Variants in CNTN4 observed in about 807,000 individuals in gnomAD.
The protein encoded by CNTN4 is contactin 4.
CNTN4 carries 77 observed loss-of-function variants against 122.5 expected under a neutral mutation model. The observed-to-expected ratio is 0.63, with a 90% CI of 0.52 to 0.76. The LOEUF (loss-of-function observed/expected upper bound fraction) is 0.76. Ranked by LOEUF, CNTN4 falls within the 30% of genes least tolerant of loss-of-function variation. The pLI, the probability that CNTN4 is intolerant of heterozygous loss-of-function variation, is 0.00. For missense variants in CNTN4, 1,256 were observed against 1,259.1 expected (o/e 1.00, Z 0.04); for synonymous variants, 512 against 447.0 (o/e 1.15, Z -1.83).
intron 6 of CNTN4, among the ~76,000 whole-genome samples, chr3:2,808,367 C>T (rs2092519721): frequency 6.6e-6 from 1 of 151,798 alleles, no homozygotes; most frequent in Admixed American, 6.6e-5. Context: ...TTCTAAGGTG[C>T]CTATTTATTA....
At chr3:2,771,970 T>C (rs759694705) in intron 6 of CNTN4, among the ~76,000 whole-genome samples, 7 of 152,134 alleles carry the variant, frequency 4.6e-5, no homozygotes, top group Non-Finnish European at 8.8e-5. Context: ...GCCTGAATCT[T>C]CATGGATATG....
chr3:2,172,431 G>A (rs1021190331), intron 2 of CNTN4, among the ~76,000 whole-genome samples: 1 of 152,084 alleles, frequency 6.6e-6, no homozygotes, highest in African/African-American at 2.4e-5. Flanking sequence ...AGGCATAAAA[G>A]ACTACATATT....
At chr3:2,162,780 A>G (rs9872120) in intron 2 of CNTN4, among the ~76,000 whole-genome samples, 7,986 of 152,212 alleles carry the variant, frequency 0.052, 731 homozygotes, top group African/African-American at 0.18. Context: ...GGAGGATATC[A>G]CATTTATCAA....
intron 3 of CNTN4, among the ~76,000 whole-genome samples, chr3:2,453,910 A>G (rs1183523437): frequency 6.6e-6 from 1 of 151,892 alleles, no homozygotes; most frequent in Non-Finnish European, 1.5e-5. Context: ...TTATAAAACT[A>G]CAATTACAAT....
intron 3 of CNTN4, among the ~76,000 whole-genome samples, chr3:2,522,968 T>C (rs143333010): frequency 8.5e-5 from 13 of 152,296 alleles, no homozygotes; most frequent in Non-Finnish European, 1.5e-4. Context: ...TGTATTACAC[T>C]ATTTTATGCC....
intron 16 of CNTN4, among the ~76,000 whole-genome samples, chr3:3,034,057 C>G (rs1699397487): frequency 6.6e-6 from 1 of 152,192 alleles, no homozygotes; most frequent in African/African-American, 2.4e-5. Context: ...CAAGTGTGTG[C>G]TCACGTGGGA....
intron 2 of CNTN4, among the ~76,000 whole-genome samples, chr3:2,290,274 G>T (rs548689369): frequency 1.3e-5 from 2 of 152,274 alleles, no homozygotes; most frequent in Admixed American, 6.5e-5. Flanking sequence ...ATGCAGGAAG[G>T]GGGAAGCCAG....
chr3:2,721,840 A>T (rs1004468524), intron 4 of CNTN4, among the ~76,000 whole-genome samples: 1 of 152,154 alleles, frequency 6.6e-6, no homozygotes, highest in Admixed American at 6.5e-5. Context: ...TTGAAATCCT[A>T]ACCCTGAAGG....
intron 3 of CNTN4, among the ~76,000 whole-genome samples, chr3:2,437,655 G>A (rs1035516321): frequency 2.6e-5 from 4 of 152,240 alleles, no homozygotes; most frequent in East Asian, 3.9e-4. Flanking sequence ...CCATTCTGAT[G>A]GAAAAACCCT....
chr3:2,107,896 C>A (rs994243019), intron 2 of CNTN4, among the ~76,000 whole-genome samples: 3 of 152,048 alleles, frequency 2.0e-5, no homozygotes, highest in African/African-American at 2.4e-5. Flanking sequence ...TTTGGCATAC[C>A]CCTACCCAGG....
At chr3:2,184,205 C>A (rs959833441) in intron 2 of CNTN4, among the ~76,000 whole-genome samples, 1 of 152,050 alleles carries the variant, frequency 6.6e-6, no homozygotes, top group African/African-American at 2.4e-5. Context: ...AGGCTGGTTT[C>A]AAATGCCTAG....
At position 2,693,672 on chromosome 3, in the gene CNTN4, G is replaced by C. The variant is rs183814043; in HGVS notation, c.56-42543G>C. Among the ~76,000 whole-genome samples the C allele has an allele frequency of 3.3e-4, 50 of 152,200 alleles. No homozygotes were observed. In the East Asian group the frequency reaches 7.8e-3, roughly 24 times the overall value. ...TAGCCAGGAGAAAAGAATGATAAGAGAAATTGCTCCAAGAAATAGAGTACG... is the reference window on the plus strand; with the variant it reads ...TAGCCAGGAGAAAAGAATGATAAGACAAATTGCTCCAAGAAATAGAGTACG... On this transcript the variant is annotated intron_variant, in intron 4 of 24. Transcript: ENST00000418658.
At chr3:2,437,449 A>G (rs1410560421) in intron 3 of CNTN4, among the ~76,000 whole-genome samples, 3 of 152,176 alleles carry the variant, frequency 2.0e-5, no homozygotes, top group Non-Finnish European at 4.4e-5. Flanking sequence ...AAAGCCCTTT[A>G]TATTGTGAAA....
At chr3:3,050,979 A>T (rs1433920119) in intron 23 of CNTN4, among the ~76,000 whole-genome samples, 1 of 152,218 alleles carries the variant, frequency 6.6e-6, no homozygotes, top group Admixed American at 6.5e-5. Flanking sequence ...CCCACAGGCT[A>T]CATGTGGCCC....
chr3:2,297,709 T>G (rs1260464584), intron 2 of CNTN4, among the ~76,000 whole-genome samples: 2 of 152,076 alleles, frequency 1.3e-5, no homozygotes, highest in African/African-American at 4.8e-5. Flanking sequence ...TTTGTGTGTT[T>G]TGTTTGTTTG....
intron 2 of CNTN4, among the ~76,000 whole-genome samples, chr3:2,117,059 C>A (rs2033404102): frequency 6.6e-6 from 1 of 152,190 alleles, no homozygotes; most frequent in Admixed American, 6.5e-5. Context: ...ACACTCTCTA[C>A]TTAGAGATAG....
rs117375527 is a variant in CNTN4 at position 2,218,999 on chromosome 3, G to A, written c.-145+118360G>A. Among the ~76,000 whole-genome samples the A allele has an allele frequency of 1.6e-3, 249 of 152,298 alleles. 4 individuals are homozygous for A. The East Asian group carries it at 0.038, about 23-fold the overall frequency. On this transcript the variant is annotated intron_variant, in intron 2 of 24. Transcript: ENST00000418658. ...GAAGGTGTGAGAGGTTTCAAGAAACGATAAGCTTTGGGCTCAGCTTCCCCC... is the reference window on the plus strand; with the variant it reads ...GAAGGTGTGAGAGGTTTCAAGAAACAATAAGCTTTGGGCTCAGCTTCCCCC...
chr3:2,404,052 G>A (rs2046947025), intron 3 of CNTN4, among the ~76,000 whole-genome samples: 1 of 152,108 alleles, frequency 6.6e-6, no homozygotes, highest in African/African-American at 2.4e-5. Flanking sequence ...TGGTTATTGT[G>A]CATGAGGCTC....
In CNTN4 at chr3:2,778,108, G is replaced by T. The variant is rs997612763; in HGVS notation, c.358+32411G>T. Among the ~76,000 whole-genome samples, 5 of 141,752 alleles carry T rather than the reference G, an allele frequency of 3.5e-5. 2 individuals carry two copies. The highest frequency in any genetic ancestry group is 7.6e-5 in the Non-Finnish European group (5 of 65,624). The allele number at this position is 141,752 out of a possible 152,430, so 93.0% of individuals were successfully genotyped here. A position where few individuals can be genotyped will look rare whatever the true frequency, so the allele number is the denominator to read the frequency against. ...GGGCGCCTGTAGTCCCAGCTACTCA[G>T]GAGGCTGAGGCAGGAGAATGGCGGG... On this transcript the variant is annotated intron_variant, in intron 6 of 24. Coordinates refer to ENST00000418658, the MANE Select transcript of CNTN4 (RefSeq NM_175607.3).
Sources: allele counts gnomAD v4.1 joint callset (sites outside exome capture counted in the v4.1 genomes callset), GRCh38; gene constraint gnomAD v4.1.1; transcripts MANE v1.5; gene names NCBI Gene and HGNC (gene_info 2026-07-23, HGNC 2026-07-21).